The following OPCML variants were observed in gnomAD, a reference collection of about 807,000 sequenced individuals.
OPCML encodes the protein opioid-binding protein/cell adhesion molecule.
OPCML carries 13 observed loss-of-function variants against 37.8 expected under a neutral mutation model. That is an observed-to-expected ratio of 0.34 (90% CI 0.22 to 0.55). The LOEUF (loss-of-function observed/expected upper bound fraction) is 0.55, where lower values mean the gene tolerates loss of function less well. Ranked by LOEUF, OPCML falls within the 20% of genes least tolerant of loss-of-function variation. OPCML has a pLI of 0.91. For synonymous variants in OPCML, 176 were observed against 168.8 expected (o/e 1.04, Z -0.33); for missense variants, 341 against 435.6 (o/e 0.78, Z 1.93).
chr11:132,631,025 T>C (rs1940068496), intron 3 of OPCML, among the ~76,000 whole-genome samples: 1 of 152,096 alleles, frequency 6.6e-6, no homozygotes, highest in Admixed American at 6.5e-5. Context: ...ATGCAATAGA[T>C]ATATACTGTA....
intron 1 of OPCML, among the ~76,000 whole-genome samples, chr11:133,527,594 C>T (rs996204964): frequency 2.0e-5 from 3 of 152,202 alleles, no homozygotes; most frequent in African/African-American, 7.2e-5. Context: ...CTCCCCTTCT[C>T]CAACATGCGA....
At chr11:133,388,222 T>C (rs533427226) in intron 1 of OPCML, among the ~76,000 whole-genome samples, 5 of 152,336 alleles carry the variant, frequency 3.3e-5, no homozygotes, top group South Asian at 2.1e-4. Context: ...AATCATGATA[T>C]GCTAACAATG....
intron 2 of OPCML, among the ~76,000 whole-genome samples, chr11:132,818,239 T>C (rs764665068): frequency 6.6e-6 from 1 of 152,184 alleles, no homozygotes; most frequent in Admixed American, 6.5e-5. Context: ...AAATTTTCCA[T>C]CCTTTCATTT....
rs750203137 is a variant in OPCML, at chr11:133,173,606, C to CA, written c.62-230597dup. 1.3e-5 allele frequency among the ~76,000 whole-genome samples: 2 copies of CA among 152,114 alleles called. No individual in the cohort carries two copies. The highest frequency in any genetic ancestry group is 2.9e-5 in the Non-Finnish European group (2 of 68,020). ...TCACATCACCTTTCAAATCACCCCC[C>CA]AGATGCCTCTCATTGCAAAAATTAG... is the stretch of plus-strand genomic sequence containing the variant. On this transcript the variant is annotated intron_variant, in intron 1 of 7. Coordinates refer to ENST00000524381, the MANE Select transcript of OPCML (RefSeq NM_001012393.5). The surrounding 1 kb of genome is among the most constrained non-coding windows in gnomAD (Gnocchi z 7.8).
At chr11:132,523,831 A>G (rs2096300689) in intron 4 of OPCML, among the ~76,000 whole-genome samples, 1 of 152,244 alleles carries the variant, frequency 6.6e-6, no homozygotes, top group Admixed American at 6.5e-5. Flanking sequence ...ACTTGAGTAA[A>G]TGCATAAAAG....
chr11:133,298,322 G>A (rs1942680122), intron 1 of OPCML: 1 of 152,110 alleles, frequency 6.6e-6, no homozygotes, highest in African/African-American at 2.4e-5. Flanking sequence ...CAGGAAGAGA[G>A]GGATGGTAAA....
intron 1 of OPCML, among the ~76,000 whole-genome samples, chr11:133,207,707 A>G (rs1007032967): frequency 6.6e-6 from 1 of 152,180 alleles, no homozygotes; most frequent in Non-Finnish European, 1.5e-5. Flanking sequence ...GTCATGTACT[A>G]TCCAGACTCA....
chr11:132,718,282 G>A (rs1373389405), intron 2 of OPCML, among the ~76,000 whole-genome samples: 2 of 152,174 alleles, frequency 1.3e-5, no homozygotes, highest in East Asian at 1.9e-4. Context: ...GTGGGTTCAG[G>A]TGTTATGGTA....
At chr11:133,207,548 A>G (rs1301959110) in intron 1 of OPCML, among the ~76,000 whole-genome samples, 1 of 152,160 alleles carries the variant, frequency 6.6e-6, no homozygotes, top group Non-Finnish European at 1.5e-5. Context: ...CTCTGTCACT[A>G]AGCCTCACTT....
intron 1 of OPCML, among the ~76,000 whole-genome samples, chr11:133,410,043 T>C (rs1043101881): frequency 1.3e-5 from 2 of 152,130 alleles, no homozygotes; most frequent in South Asian, 2.1e-4. Context: ...GGACAACATA[T>C]GCAAAGCCTG....
intron 2 of OPCML, among the ~76,000 whole-genome samples, chr11:132,925,495 T>C (rs1321820676): frequency 6.6e-6 from 1 of 152,188 alleles, no homozygotes; most frequent in African/African-American, 2.4e-5. Flanking sequence ...ACCTACGCCT[T>C]TTCACCCTGA....
At chr11:133,361,716 G>T (rs1441193589) in intron 1 of OPCML, 1 of 155,362 alleles carries the variant, frequency 6.4e-6, no homozygotes, top group Non-Finnish European at 1.4e-5. Flanking sequence ...AGAGAGCCAC[G>T]CCGCGCCCCG....
chr11:132,890,806 G>A (rs575999308), intron 2 of OPCML, among the ~76,000 whole-genome samples: 6 of 143,406 alleles, frequency 4.2e-5, no homozygotes, highest in African/African-American at 1.6e-4. Flanking sequence ...GCAGTGAGCC[G>A]AGATCGAGCC....
In OPCML at chr11:133,007,602, A is replaced by G. The variant is rs967227425; in HGVS notation, c.62-64592T>C. On this transcript the variant is annotated intron_variant, in intron 1 of 7. Transcript: ENST00000524381. The stretch of plus-strand genomic sequence containing the variant: ...CTTAAAACTCTAGAATTGCTTGTAG[A>G]AGCTGGGATGCACATGCTTATTTTT... 4.1e-6 allele frequency: 4 copies of G among 985,358 alleles called. No individual in the cohort carries two copies. The East Asian group carries it at 4.5e-4, about 112-fold the overall frequency. 61.0% of individuals were successfully genotyped at this position (985,358 alleles called of 1,614,324 possible).
intron 2 of OPCML, among the ~76,000 whole-genome samples, chr11:132,902,863 A>T (rs909760467): frequency 6.6e-6 from 1 of 152,122 alleles, no homozygotes; most frequent in Non-Finnish European, 1.5e-5. Flanking sequence ...TAGACTTTTC[A>T]TCTATTCTCA....
At chr11:133,135,503 T>C (rs1949675929) in intron 1 of OPCML, among the ~76,000 whole-genome samples, 1 of 151,832 alleles carries the variant, frequency 6.6e-6, no homozygotes, top group Non-Finnish European at 1.5e-5. Flanking sequence ...ATAGGAGGGT[T>C]TCCTCTCTTA....
At chr11:133,228,845 C>G (rs750204472) in intron 1 of OPCML, among the ~76,000 whole-genome samples, 9 of 152,246 alleles carry the variant, frequency 5.9e-5, no homozygotes, top group Non-Finnish European at 1.0e-4. Flanking sequence ...CCAAGAGGAG[C>G]AGGTCCAGGA....
chr11:132,884,024 G>A (rs1427381449), intron 2 of OPCML, among the ~76,000 whole-genome samples: 1 of 152,096 alleles, frequency 6.6e-6, no homozygotes, highest in African/African-American at 2.4e-5. Context: ...AGACATAATA[G>A]GATCATAGAT....
intron 1 of OPCML, among the ~76,000 whole-genome samples, chr11:133,214,585 C>T (rs114769315): frequency 0.015 from 2,264 of 152,282 alleles, 59 homozygotes; most frequent in African/African-American, 0.052. Context: ...ATAGTTCATA[C>T]TCATTTACAC....
Sources: allele counts gnomAD v4.1 joint callset (sites outside exome capture counted in the v4.1 genomes callset), GRCh38; gene constraint gnomAD v4.1.1; non-coding constraint Gnocchi (gnomAD v3.1); transcripts MANE v1.5; gene names NCBI Gene and HGNC (gene_info 2026-07-23, HGNC 2026-07-21).